The following GPC3 variants were observed in gnomAD, a reference collection of about 807,000 sequenced individuals.
GPC3 encodes the protein glypican-3.
A neutral mutation model predicts 34.4 loss-of-function variants in GPC3; 3 were observed. That is an observed-to-expected ratio of 0.09 (90% CI 0.04 to 0.23). The LOEUF is 0.23. GPC3 is among the 10% of genes least tolerant of loss of function. The pLI is 1.00. For synonymous variants in GPC3, 177 were observed against 174.0 expected (o/e 1.02, Z -0.13); for missense variants, 351 against 445.6 (o/e 0.79, Z 1.91).
intron 2 of GPC3, among the ~76,000 whole-genome samples, chrX:133,897,296 C>T (rs1215608496): frequency 9.5e-6 from 1 of 104,975 alleles, no homozygotes; most frequent in Non-Finnish European, 2.0e-5. Context: ...GCCATCCACC[C>T]ACTTTGGCCT....
chrX:133,694,966 A>G (rs2071100796), intron 4 of GPC3, among the ~76,000 whole-genome samples: 1 of 111,554 alleles, frequency 9.0e-6, no homozygotes, highest in Non-Finnish European at 1.9e-5. Context: ...TAAAAGTCTA[A>G]GAAAACCACA....
intron 1 of GPC3, among the ~76,000 whole-genome samples, chrX:133,964,699 G>C (rs2076455585): frequency 9.0e-6 from 1 of 111,707 alleles, no homozygotes; most frequent in Admixed American, 9.5e-5. Flanking sequence ...AGCTCTGGTG[G>C]CCAGAAGTAG....
At chrX:133,609,394 G>T (rs2072040513) in intron 6 of GPC3, among the ~76,000 whole-genome samples, 1 of 112,023 alleles carries the variant, frequency 8.9e-6, no homozygotes, top group Middle Eastern at 4.6e-3. Context: ...GGTTTGACTG[G>T]CATGGCCAAA....
intron 4 of GPC3, among the ~76,000 whole-genome samples, chrX:133,698,893 T>C (rs759774248): frequency 8.9e-6 from 1 of 112,187 alleles, no homozygotes; most frequent in South Asian, 3.8e-4. Context: ...GATACTCTCC[T>C]GTTGTTTCGT....
chrX:133,571,719 G>C (rs2069634115), intron 7 of GPC3, among the ~76,000 whole-genome samples: 2 of 111,699 alleles, frequency 1.8e-5, no homozygotes, highest in African/African-American at 3.3e-5. Flanking sequence ...CTTGGGAGGG[G>C]TGGCAGAAAG....
chrX:133,769,152 T>C (rs1011755433), intron 2 of GPC3, among the ~76,000 whole-genome samples: 4 of 111,449 alleles, frequency 3.6e-5, no homozygotes, highest in Non-Finnish European at 7.5e-5. Context: ...AAATACTACA[T>C]GATACTACTT....
intron 6 of GPC3, among the ~76,000 whole-genome samples, chrX:133,602,436 G>A (rs1344008410): frequency 9.0e-6 from 1 of 111,146 alleles, no homozygotes; most frequent in East Asian, 2.8e-4. Context: ...ATAGGAATGG[G>A]AGCCCTATTA....
chrX:133,826,432 A>G (rs1400272120), intron 2 of GPC3, among the ~76,000 whole-genome samples: 2 of 111,642 alleles, frequency 1.8e-5, no homozygotes, highest in African/African-American at 6.5e-5. Context: ...GCTCAAGAGC[A>G]TATTTGAGCA....
chrX:133,850,020 T>G (rs1273682273), intron 2 of GPC3, among the ~76,000 whole-genome samples: 1 of 111,307 alleles, frequency 9.0e-6, no homozygotes, highest in Admixed American at 9.6e-5. Context: ...ATTTCTTTCA[T>G]TTAAAGTCTG....
intron 7 of GPC3, 95 bp downstream of exon 7, chrX:133,596,345 A>C (rs2069914242): frequency 2.0e-5 from 15 of 732,949 alleles, no homozygotes; most frequent in Non-Finnish European, 2.2e-6. Flanking sequence ...TGTTGCAGGG[A>C]ATGTAAGGGA....
intron 2 of GPC3, among the ~76,000 whole-genome samples, chrX:133,813,346 T>G (rs1279455043): frequency 8.9e-6 from 1 of 112,300 alleles, no homozygotes; most frequent in East Asian, 2.8e-4. Context: ...CACGTCTTAT[T>G]TATAAAGTTG....
At chrX:133,900,570 T>C (rs2076139965) in intron 2 of GPC3, among the ~76,000 whole-genome samples, 1 of 112,011 alleles carries the variant, frequency 8.9e-6, no homozygotes, top group Non-Finnish European at 1.9e-5. Flanking sequence ...TAACTTTTTT[T>C]TTTTATCAAT....
At chrX:133,734,787 T>C (rs2071494820) in intron 3 of GPC3, among the ~76,000 whole-genome samples, 1 of 111,277 alleles carries the variant, frequency 9.0e-6, no homozygotes, top group Non-Finnish European at 1.9e-5. Flanking sequence ...AGTTCAGTAA[T>C]GCTAGTGGGT....
At chrX:133,647,275 G>A (rs1267364626) in intron 6 of GPC3, among the ~76,000 whole-genome samples, 1 of 112,626 alleles carries the variant, frequency 8.9e-6, no homozygotes, top group African/African-American at 3.2e-5. Flanking sequence ...ACCAGGCATT[G>A]TTCAAAGAGC....
chrX:133,896,903 G>A (rs1429278276), intron 2 of GPC3, among the ~76,000 whole-genome samples: 2 of 101,620 alleles, frequency 2.0e-5, no homozygotes, highest in African/African-American at 7.3e-5. Flanking sequence ...ACTACTCTGT[G>A]ACCTTTTTTT....
chrX:133,731,310 C>CAT (rs773881777), intron 3 of GPC3, among the ~76,000 whole-genome samples: 1 of 112,783 alleles, frequency 8.9e-6, no homozygotes, highest in East Asian at 2.8e-4. Context: ...GACATGTGTG[C>CAT]ATGGGTGACT....
At chrX:133,630,077 A>G (rs1456970683) in intron 6 of GPC3, among the ~76,000 whole-genome samples, 1 of 111,613 alleles carries the variant, frequency 9.0e-6, no homozygotes, top group Non-Finnish European at 1.9e-5. Context: ...GAAAAAAGAA[A>G]AAAAGGAAAA....
intron 3 of GPC3, among the ~76,000 whole-genome samples, chrX:133,703,477 T>C (rs770823689): frequency 0.013 from 1,392 of 107,586 alleles, 22 homozygotes; most frequent in African/African-American, 0.045. Flanking sequence ...TTTTTTTTTT[T>C]TAAGACAGAG....
chrX:133,546,838 G>A (rs2069391238), intron 7 of GPC3, among the ~76,000 whole-genome samples: 1 of 112,209 alleles, frequency 8.9e-6, no homozygotes, highest in Non-Finnish European at 1.9e-5. Flanking sequence ...TCAAAAGAAA[G>A]GGAATCAGTA....
Sources: gnomAD v4.1 joint callset for allele counts (sites outside exome capture counted in the v4.1 genomes callset) on GRCh38, gnomAD v4.1.1 for gene constraint, MANE v1.5 for transcripts, NCBI Gene and HGNC (gene_info 2026-07-23, HGNC 2026-07-21) for gene names.